The following NELL1 variants were observed in gnomAD, a reference collection of about 807,000 sequenced individuals.
NELL1 encodes protein kinase C-binding protein NELL1.
Under a neutral mutation model 107.4 loss-of-function variants are expected in NELL1, and 76 were observed. That is an observed-to-expected ratio of 0.71 (90% confidence interval 0.59 to 0.86). The LOEUF (loss-of-function observed/expected upper bound fraction) is 0.86, where lower values mean the gene tolerates loss of function less well. NELL1 is among the 40% of genes least tolerant of loss of function. The pLI, the probability that NELL1 is intolerant of heterozygous loss-of-function variation, is 0.00. For missense variants in NELL1, 1,024 were observed against 1,005.5 expected, an observed-to-expected ratio of 1.02 and a Z score of -0.25; for synonymous variants, 353 against 341.2, an observed-to-expected ratio of 1.03 and a Z score of -0.38.
chr11:20,998,677 G>A (rs777178862), intron 12 of NELL1, among the ~76,000 whole-genome samples: 3 of 152,224 alleles, frequency 2.0e-5, no homozygotes, highest in Non-Finnish European at 2.9e-5. Flanking sequence ...ATGTTGACCA[G>A]TAGGAAAACA....
intron 12 of NELL1, among the ~76,000 whole-genome samples, chr11:21,099,214 C>CACACACACAA (rs1431175863): frequency 7.1e-6 from 1 of 141,368 alleles, no homozygotes; most frequent in East Asian, 2.1e-4. Flanking sequence ...CACACACACA[C>CACACACACAA]ACACACACAC....
chr11:21,004,215 T>G (rs1258608494), intron 12 of NELL1, among the ~76,000 whole-genome samples: 1 of 152,160 alleles, frequency 6.6e-6, no homozygotes, highest in African/African-American at 2.4e-5. Context: ...ATAGCTGTAT[T>G]CATCTTTATG....
chr11:21,288,239 C>T (rs796778379), intron 14 of NELL1, among the ~76,000 whole-genome samples: 4 of 152,244 alleles, frequency 2.6e-5, no homozygotes, highest in African/African-American at 9.6e-5. Flanking sequence ...TGTCTGACTT[C>T]AGTCTATGAA....
At chr11:21,567,172 T>C (rs1301728039) in intron 17 of NELL1, among the ~76,000 whole-genome samples, 3 of 151,848 alleles carry the variant, frequency 2.0e-5, no homozygotes, top group Non-Finnish European at 4.4e-5. Context: ...AGTGATAGTG[T>C]GCCATTGGAA....
In NELL1 at chr11:21,575,254, G is replaced by T; in HGVS notation, c.*232G>T. 1 of 470,008 alleles carries T rather than the reference G, an allele frequency of 2.1e-6. No individual in the cohort carries two copies. Among genetic ancestry groups the T allele is most frequent in the Non-Finnish European group, 3.8e-6 (1 of 259,954 alleles). 29.1% of individuals were successfully genotyped at this position (470,008 alleles called of 1,614,324 possible). On this transcript the variant is annotated 3_prime_UTR_variant, in exon 20 of 20. Transcript: ENST00000357134. ...TACAGTGCCGTGCATTTAAGTCAAT[G>T]GTTGTTAAAAGAAGTTTCCCGTGTT... is the stretch of plus-strand genomic sequence containing the variant.
intron 13 of NELL1, among the ~76,000 whole-genome samples, chr11:21,154,483 G>A (rs1283053819): frequency 6.6e-6 from 1 of 152,242 alleles, no homozygotes; most frequent in Admixed American, 6.5e-5. Flanking sequence ...CAGACTTTAT[G>A]CTAAGTTATG....
chr11:20,678,427 A>G (rs1371374208), intron 2 of NELL1, among the ~76,000 whole-genome samples: 5 of 152,178 alleles, frequency 3.3e-5, no homozygotes, highest in African/African-American at 4.8e-5. Flanking sequence ...TACATCTTTC[A>G]TCTAGTGGAT....
At chr11:20,752,537 G>A (rs1285465441) in intron 2 of NELL1, among the ~76,000 whole-genome samples, 1 of 152,164 alleles carries the variant, frequency 6.6e-6, no homozygotes. Flanking sequence ...CAACAAGAGT[G>A]AAACTCCATC....
intron 15 of NELL1, among the ~76,000 whole-genome samples, chr11:21,512,712 G>C (rs1855469019): frequency 6.6e-6 from 1 of 151,852 alleles, no homozygotes; most frequent in African/African-American, 2.4e-5. Context: ...TCAAAGACAA[G>C]GGAGACAAGG....
chr11:21,542,606 A>G (rs1856317921), intron 16 of NELL1, among the ~76,000 whole-genome samples: 1 of 152,022 alleles, frequency 6.6e-6, no homozygotes, highest in South Asian at 2.1e-4. Flanking sequence ...CAGCCTTGAT[A>G]ATACTACTAC....
intron 3 of NELL1, among the ~76,000 whole-genome samples, chr11:20,847,047 C>A (rs191619181): frequency 6.6e-6 from 1 of 152,154 alleles, no homozygotes; most frequent in Non-Finnish European, 1.5e-5. Flanking sequence ...TAGCTTCAAC[C>A]TTTTCTCCCC....
chr11:21,282,129 G>A (rs139952441), intron 14 of NELL1, among the ~76,000 whole-genome samples: 79 of 151,910 alleles, frequency 5.2e-4, no homozygotes, highest in African/African-American at 1.5e-3. Flanking sequence ...GAATATATAA[G>A]GATCTCAAAC....
intron 19 of NELL1, among the ~76,000 whole-genome samples, chr11:21,574,456 A>C (rs578117964): frequency 1.3e-5 from 2 of 151,872 alleles, no homozygotes; most frequent in African/African-American, 2.4e-5. Flanking sequence ...TAGTACATAA[A>C]ATTTTTAATG....
chr11:20,811,587 AT>A (rs1040392428), intron 3 of NELL1, among the ~76,000 whole-genome samples: 1 of 151,756 alleles, frequency 6.6e-6, no homozygotes. Flanking sequence ...TTGTCCTTCC[AT>A]TTTTTTGTGT....
chr11:20,671,534 A>C (rs2133842367), intron 1 of NELL1, among the ~76,000 whole-genome samples: 1 of 152,340 alleles, frequency 6.6e-6, no homozygotes, highest in South Asian at 2.1e-4. Flanking sequence ...TGCTTGTGGA[A>C]GGGGTCTTTA....
chr11:20,817,893 G>C (rs1278814724), intron 3 of NELL1, among the ~76,000 whole-genome samples: 2 of 151,672 alleles, frequency 1.3e-5, no homozygotes, highest in Non-Finnish European at 2.9e-5. Flanking sequence ...TCAGGAACTA[G>C]TTGTTTAATT....
chr11:21,378,717 ATTT>A (rs11306401), intron 15 of NELL1, among the ~76,000 whole-genome samples: 8,447 of 136,620 alleles, frequency 0.062, 298 homozygotes, highest in Non-Finnish European at 0.07. Flanking sequence ...ACACTTGTAC[ATTT>A]TTTTTTTTTT....
At chr11:21,211,060 G>C in intron 13 of NELL1, among the ~76,000 whole-genome samples, 1 of 152,254 alleles carries the variant, frequency 6.6e-6, no homozygotes, top group Non-Finnish European at 1.5e-5. Context: ...AAAGAAATAT[G>C]TGGTTTCTAT....
intron 3 of NELL1, among the ~76,000 whole-genome samples, chr11:20,785,787 G>T (rs1201241802): frequency 6.6e-6 from 1 of 152,176 alleles, no homozygotes; most frequent in African/African-American, 2.4e-5. Context: ...GAAGAAAAAG[G>T]ATTGTGCATG....
Sources: gnomAD v4.1 joint callset for allele counts (sites outside exome capture counted in the v4.1 genomes callset) on GRCh38, gnomAD v4.1.1 for gene constraint, MANE v1.5 for transcripts, NCBI Gene and HGNC (gene_info 2026-07-23, HGNC 2026-07-21) for gene names.